Variants in HS6ST2 observed in about 807,000 individuals in gnomAD.
HS6ST2 encodes heparan-sulfate 6-O-sulfotransferase 2.
Under a neutral mutation model 33.0 loss-of-function variants are expected in HS6ST2, and 17 were observed. The observed-to-expected ratio is 0.52, with a 90% CI of 0.35 to 0.77. The LOEUF is 0.77. Among genes scored for constraint, HS6ST2 ranks in the 30% least tolerant of loss-of-function variants. HS6ST2 has a pLI of 0.01. For synonymous variants in HS6ST2, 248 were observed against 237.1 expected (o/e 1.05, Z -0.42); for missense variants, 519 against 551.7 (o/e 0.94, Z 0.59).
chrX:132,887,661 A>G (rs942011000), intron 2 of HS6ST2, among the ~76,000 whole-genome samples: 6 of 112,394 alleles, frequency 5.3e-5, no homozygotes, highest in African/African-American at 1.9e-4. Context: ...CAGATCTAAG[A>G]GGAATGAAAA....
chrX:132,951,529 T>C (rs1245546680), intron 2 of HS6ST2, among the ~76,000 whole-genome samples: 1 of 111,705 alleles, frequency 9.0e-6, no homozygotes, highest in East Asian at 2.8e-4. Flanking sequence ...GGAAAGCATG[T>C]CATTTAAATC....
In HS6ST2 at chrX:132,680,345, G is replaced by A. The variant is rs115857638; in HGVS notation, c.981-11146C>T. 3.4e-3 allele frequency among the ~76,000 whole-genome samples: 379 copies of A among 111,064 alleles called. 2 individuals are homozygous for A. Among genetic ancestry groups the A allele is most frequent in the African/African-American group, 0.012 (359 of 30,560 alleles). ...CTTCTTTTTTTGTTGGGGAGAGTATGTGGAAGAAGATGACATGTTCAGTTT... is the reference window on the plus strand; with the variant it reads ...CTTCTTTTTTTGTTGGGGAGAGTATATGGAAGAAGATGACATGTTCAGTTT... On this transcript the variant is annotated intron_variant, in intron 3 of 4. Coordinates refer to ENST00000370833, the MANE Select transcript of HS6ST2 (RefSeq NM_001394073.1).
intron 2 of HS6ST2, among the ~76,000 whole-genome samples, chrX:132,837,918 G>A (rs1483135946): frequency 8.9e-6 from 1 of 111,738 alleles, no homozygotes; most frequent in Non-Finnish European, 1.9e-5. Flanking sequence ...ATTAACATGA[G>A]ACGCAAATAG....
chrX:132,850,936 T>C (rs1295103689), intron 2 of HS6ST2, among the ~76,000 whole-genome samples: 1 of 112,169 alleles, frequency 8.9e-6, no homozygotes, highest in East Asian at 2.8e-4. Flanking sequence ...TAAATGACTA[T>C]TGTTCTACTA....
At chrX:132,878,685 G>A (rs184255187) in intron 2 of HS6ST2, among the ~76,000 whole-genome samples, 1 of 112,068 alleles carries the variant, frequency 8.9e-6, no homozygotes, top group Admixed American at 9.5e-5. Flanking sequence ...TGCAAAGACT[G>A]CACAAAATAT....
At chrX:132,862,835 C>T (rs1252559443) in intron 2 of HS6ST2, among the ~76,000 whole-genome samples, 1 of 111,748 alleles carries the variant, frequency 8.9e-6, no homozygotes, top group African/African-American at 3.3e-5. Flanking sequence ...TTATGGTAAC[C>T]GTAGTTGCAG....
intron 2 of HS6ST2, among the ~76,000 whole-genome samples, chrX:132,951,038 G>C (rs2067009871): frequency 9.1e-6 from 1 of 110,325 alleles, no homozygotes; most frequent in Non-Finnish European, 1.9e-5. Context: ...TATAAGTCCT[G>C]TCCACTAGAA....
chrX:132,709,141 T>C (rs1225313228), intron 2 of HS6ST2, among the ~76,000 whole-genome samples: 2 of 112,230 alleles, frequency 1.8e-5, no homozygotes, highest in African/African-American at 3.2e-5. Context: ...ATAATGTATG[T>C]CTTAAGGGTC....
At chrX:132,915,243 C>T (rs1027099507) in intron 2 of HS6ST2, among the ~76,000 whole-genome samples, 2 of 112,011 alleles carry the variant, frequency 1.8e-5, no homozygotes, top group Admixed American at 1.9e-4. Context: ...ATAAGGCCAT[C>T]CTCAGGGCTC....
In HS6ST2 at chrX:132,928,093, C is replaced by G. The variant is rs1012401945; in HGVS notation, c.947+28715G>C. Among the ~76,000 whole-genome samples the G allele has an allele frequency of 3.2e-4, 34 of 106,818 alleles. No individual in the cohort carries two copies. In the Admixed American group the frequency reaches 3.2e-3, roughly 10 times the overall value. 92.8% of individuals were successfully genotyped at this position (106,818 alleles called of 115,157 possible). The stretch of plus-strand genomic sequence containing the variant: ...GGCAAAAGCAGGAGGAGGAGAGAGA[C>G]AGTGGTCAAGAGTAGTTGCCACACA... On this transcript the variant is annotated intron_variant, in intron 2 of 4. Transcript: ENST00000370833.
intron 2 of HS6ST2, among the ~76,000 whole-genome samples, chrX:132,858,734 G>C (rs1462581859): frequency 8.9e-6 from 1 of 112,107 alleles, no homozygotes; most frequent in Non-Finnish European, 1.9e-5. Context: ...TGGAGAAGAG[G>C]CAAGCACTTC....
At position 132,626,603 on chromosome X, in the gene HS6ST2, A is replaced by G; in HGVS notation, c.*1620T>C. 8.9e-6 allele frequency: 1 copy of G among 112,298 alleles called. No homozygotes were observed. The highest frequency in any genetic ancestry group is 1.9e-5 in the Non-Finnish European group (1 of 53,255). The allele number at this position is 112,298 out of a possible 1,213,427, so 9.3% of individuals were successfully genotyped here. A position where few individuals can be genotyped will look rare whatever the true frequency, so the allele number is the denominator to read the frequency against. ...TTGTGGCTATATTACTACAGATGAA[A>G]CACATGAGCAGATTGTACAAGATGT... On this transcript the variant is annotated 3_prime_UTR_variant, in exon 5 of 5. Coordinates refer to ENST00000370833, the MANE Select transcript of HS6ST2 (RefSeq NM_001394073.1).
At chrX:132,879,131 TCA>T (rs1416414937) in intron 2 of HS6ST2, among the ~76,000 whole-genome samples, 1 of 111,658 alleles carries the variant, frequency 9.0e-6, no homozygotes, top group African/African-American at 3.3e-5. Context: ...AATGCAAAAC[TCA>T]CAGTTCCAAG....
chrX:132,815,964 T>C (rs1429087977), intron 2 of HS6ST2, among the ~76,000 whole-genome samples: 5 of 111,982 alleles, frequency 4.5e-5, no homozygotes, highest in Admixed American at 9.5e-5. Context: ...CACTGAACTG[T>C]ACATTTTAAA....
At chrX:132,663,842 T>C (rs57123135) in intron 4 of HS6ST2, among the ~76,000 whole-genome samples, 326 of 111,674 alleles carry the variant, frequency 2.9e-3, no homozygotes, top group African/African-American at 0.01. Context: ...CACAACCCAA[T>C]GTCTTAGAAA....
chrX:132,792,370 A>G (rs1201475439), intron 2 of HS6ST2, among the ~76,000 whole-genome samples: 1 of 112,484 alleles, frequency 8.9e-6, no homozygotes, highest in East Asian at 2.8e-4. Flanking sequence ...GAAGGTCCTA[A>G]GATCTGAGAG....
At chrX:132,823,300 G>T (rs2065478313) in intron 2 of HS6ST2, among the ~76,000 whole-genome samples, 1 of 110,628 alleles carries the variant, frequency 9.0e-6, no homozygotes. Flanking sequence ...ATAGCTTTTG[G>T]GGTACAAGTG....
intron 2 of HS6ST2, among the ~76,000 whole-genome samples, chrX:132,783,441 G>A (rs2065031805): frequency 9.0e-6 from 1 of 111,239 alleles, no homozygotes; most frequent in South Asian, 3.9e-4. Flanking sequence ...ACCTGCCCAG[G>A]CACGTGCAGT....
At chrX:132,879,391 A>C (rs2066142168) in intron 2 of HS6ST2, among the ~76,000 whole-genome samples, 1 of 111,824 alleles carries the variant, frequency 8.9e-6, no homozygotes, top group Non-Finnish European at 1.9e-5. Flanking sequence ...ACTGTAACCC[A>C]TTTCAGGCCA....
Sources: gnomAD v4.1 joint callset for allele counts (sites outside exome capture counted in the v4.1 genomes callset) on GRCh38, gnomAD v4.1.1 for gene constraint, MANE v1.5 for transcripts, NCBI Gene and HGNC (gene_info 2026-07-23, HGNC 2026-07-21) for gene names.